The following WDSUB1 variants were observed in gnomAD, a reference collection of about 807,000 sequenced individuals.
WDSUB1 encodes WD repeat, sterile alpha motif and U-box domain containing 1.
WDSUB1 carries 49 observed loss-of-function variants against 53.9 expected under a neutral mutation model. The ratio of observed to expected loss-of-function variants is 0.91; its 90% CI spans 0.72 to 1.15. WDSUB1 has a LOEUF of 1.15. Among genes scored for constraint, WDSUB1 ranks in the 50% most tolerant of loss-of-function variants. WDSUB1 has a pLI of 0.00. For synonymous variants in WDSUB1, 194 were observed against 200.6 expected, an observed-to-expected ratio of 0.97 and a Z score of 0.28; for missense variants, 514 against 562.0, an observed-to-expected ratio of 0.91 and a Z score of 0.86.
intron 10 of WDSUB1, among the ~76,000 whole-genome samples, chr2:159,237,460 G>A (rs1333045931): frequency 1.3e-5 from 2 of 151,946 alleles, no homozygotes; most frequent in African/African-American, 4.8e-5. Flanking sequence ...GACAGAGGTT[G>A]CAGTGAGCTG....
intron 6 of WDSUB1, 102 bp from the exon 7 acceptor site, chr2:159,258,087 T>C: frequency 1.0e-6 from 1 of 959,448 alleles, no homozygotes; most frequent in Non-Finnish European, 1.6e-6. Context: ...GTGGATATAT[T>C]AATATTTATT....
chr2:159,253,590 T>C (rs994664569), intron 9 of WDSUB1, among the ~76,000 whole-genome samples: 2 of 152,248 alleles, frequency 1.3e-5, no homozygotes, highest in Non-Finnish European at 2.9e-5. Flanking sequence ...GTACAATTAA[T>C]CAACTTCCTC....
chr2:159,280,690 C>CAAAAAAAAAAAAAAAAATAAAAAA (rs2061643742), intron 2 of WDSUB1, among the ~76,000 whole-genome samples: 1 of 59,618 alleles, frequency 1.7e-5, no homozygotes, highest in African/African-American at 1.0e-4. Context: ...GACTCCGTCT[C>CAAAAAAAAAAAAAAAAATAAAAAA]AAAAAAAAAA....
chr2:159,279,873 G>C lies in WDSUB1; in HGVS notation c.471C>G (p.Gly157=). The C allele has an allele frequency of 6.2e-7, 1 of 1,612,512 alleles. No individual in the cohort carries two copies. Among genetic ancestry groups the C allele is most frequent in the Non-Finnish European group, 8.5e-7 (1 of 1,178,864 alleles). The change falls in exon 3 of 11, where the codon GGC becomes GGG. Residue 157 remains glycine, a synonymous_variant. Transcript: ENST00000359774. The part of the protein sequence containing the change: ...FSPNGSFFVT[G]SSCGDLTVWD... ...ACACTGTTAAATCACCACATGAGGA[G>C]CCAGTGACAAAGAAGCTTCCATTAG...
At position 159,236,154 on chromosome 2, in the gene WDSUB1, C is replaced by T. The variant is rs2060473948; in HGVS notation, c.1310G>A (p.Trp437Ter). 1.9e-6 allele frequency: 3 copies of T among 1,611,450 alleles called. No individual in the cohort carries two copies. Among genetic ancestry groups the T allele is most frequent in the South Asian group, 1.1e-5 (1 of 90,292 alleles). ...YSYEKEAMEN[W>*]ISKKKRTSPM... ...ACTTGTACGTTTCTTTTTGCTGATC[C>T]AATTTTCCATTGCTTCCTTTTCATA... The change falls in exon 11 of 11, where the codon TGG becomes TAG. Residue 437 changes from tryptophan (W) to a stop codon, truncating the protein, a stop_gained. Transcript: ENST00000359774. LOFTEE classifies it high-confidence loss of function.
chr2:159,277,206 A>G (rs574662797), intron 3 of WDSUB1, among the ~76,000 whole-genome samples: 15 of 152,224 alleles, frequency 9.9e-5, no homozygotes, highest in South Asian at 2.1e-4. Flanking sequence ...TGGGACTTCC[A>G]TATTTCAATA....
At chr2:159,275,914 C>T (rs1469025472) in intron 3 of WDSUB1, among the ~76,000 whole-genome samples, 1 of 152,184 alleles carries the variant, frequency 6.6e-6, no homozygotes. Context: ...CAATATTGAG[C>T]CACTCAATAG....
At position 159,275,566 on chromosome 2, in the gene WDSUB1, ACAAT is replaced by A. The variant is rs2061521856; in HGVS notation, c.652_655del (p.Ile218PhefsTer7). On this transcript the variant is annotated frameshift_variant, in exon 4 of 11. Coordinates refer to ENST00000359774, the MANE Select transcript of WDSUB1 (RefSeq NM_001128212.3). LOFTEE classifies it high-confidence loss of function. ...CATACCTAAGATATGGGTAAAAGAA[ACAAT>A]CCAAATTTTGACTTGGCAATCCTGA... 1 of 1,604,870 alleles carries A rather than the reference ACAAT, an allele frequency of 6.2e-7. No homozygotes were observed. Among genetic ancestry groups the A allele is most frequent in the East Asian group, 2.3e-5 (1 of 44,414 alleles).
rs933032976 is a variant in WDSUB1, at chr2:159,241,937, C to T, written c.1274-5747G>A. 9.5e-5 allele frequency among the ~76,000 whole-genome samples: 14 copies of T among 147,202 alleles called. 2 individuals are homozygous for T. Among genetic ancestry groups the T allele is most frequent in the African/African-American group, 3.5e-4 (13 of 37,596 alleles). On this transcript the variant is annotated intron_variant, in intron 10 of 10. Transcript: ENST00000359774. ...AGTAAGAGTTAATTTCGGTAACATC[C>T]ATACCAGGAAATGCTATCCTGCAGA...
At chr2:159,266,828 T>C (rs2061356793) in intron 5 of WDSUB1, among the ~76,000 whole-genome samples, 1 of 152,116 alleles carries the variant, frequency 6.6e-6, no homozygotes, top group Non-Finnish European at 1.5e-5. Flanking sequence ...GGCTGGAGTT[T>C]AGTGGCACGA....
chr2:159,248,622 A>G (rs2060876654), intron 9 of WDSUB1, 110 bp from the exon 10 acceptor site: 1 of 1,249,254 alleles, frequency 8.0e-7, no homozygotes, highest in African/African-American at 1.6e-5. Context: ...GTTGATTTTG[A>G]GACAGGGGCT....
chr2:159,277,120 C>T lies in WDSUB1; in HGVS notation c.584-1482G>A, dbSNP rs142606494. Among the ~76,000 whole-genome samples, 1,235 of 152,308 alleles carry T rather than the reference C, an allele frequency of 8.1e-3. 10 individuals are homozygous for T. The highest frequency in any genetic ancestry group is 0.023 in the African/African-American group (955 of 41,570). ...ATGTAAATTTTTTCTATGGACTCTG[C>T]CTCTTTGAAAGTACAAACACTTTAC... On this transcript the variant is annotated intron_variant, in intron 3 of 10. Transcript: ENST00000359774.
chr2:159,275,424 T>C, intron 4 of WDSUB1, 122 bp downstream of exon 4: 1 of 750,436 alleles, frequency 1.3e-6, no homozygotes, highest in Non-Finnish European at 2.1e-6. Flanking sequence ...TGACTAAAAG[T>C]TTCTTAAACC....
At chr2:159,270,749 C>T (rs906270447) in intron 5 of WDSUB1, among the ~76,000 whole-genome samples, 1 of 152,136 alleles carries the variant, frequency 6.6e-6, no homozygotes, top group Non-Finnish European at 1.5e-5. Flanking sequence ...CATAAAGAAG[C>T]TGACTACACT....
At chr2:159,246,178 A>T (rs1195978739) in intron 10 of WDSUB1, among the ~76,000 whole-genome samples, 1 of 152,218 alleles carries the variant, frequency 6.6e-6, no homozygotes, top group African/African-American at 2.4e-5. Context: ...CACGCCTGTA[A>T]TCCCAGCACT....
intron 10 of WDSUB1, among the ~76,000 whole-genome samples, chr2:159,248,136 A>G (rs2060860428): frequency 6.6e-6 from 1 of 151,694 alleles, no homozygotes; most frequent in African/African-American, 2.4e-5. Flanking sequence ...CCTAGCAACT[A>G]AATACACATT....
Position 159,271,752 on chromosome 2 carries a change from A to G in WDSUB1, c.720T>C (p.Ala240=). Residue 240 remains alanine, a synonymous_variant, in exon 5 of 11, where the codon GCT becomes GCC. Coordinates refer to ENST00000359774, the MANE Select transcript of WDSUB1 (RefSeq NM_001128212.3). ...KYKSTLSGHC[A]PVLACAFSHD... ...GGGAAAAAGCACAAGCCAGAACAGG[A>G]GCACAGTGCCCACTCAGTGTACTTT... 1 of 1,614,214 alleles carries G rather than the reference A, an allele frequency of 6.2e-7. No individual in the cohort carries two copies. The highest frequency in any genetic ancestry group is 2.2e-5 in the East Asian group (1 of 44,894).
intron 4 of WDSUB1, 123 bp from the exon 5 acceptor site, chr2:159,271,918 T>A: frequency 1.3e-6 from 1 of 747,406 alleles, no homozygotes; most frequent in Non-Finnish European, 2.2e-6. Flanking sequence ...ACACAAAAAT[T>A]AAAAATCCTC....
intron 5 of WDSUB1, among the ~76,000 whole-genome samples, chr2:159,266,189 G>A (rs989956983): frequency 8.6e-5 from 13 of 151,972 alleles, no homozygotes; most frequent in African/African-American, 3.1e-4. Context: ...GAGTGTCAAG[G>A]AACCTTACTT....
Sources: allele counts gnomAD v4.1 joint callset (sites outside exome capture counted in the v4.1 genomes callset), GRCh38; gene constraint gnomAD v4.1.1; transcripts MANE v1.5; gene names NCBI Gene and HGNC (gene_info 2026-07-23, HGNC 2026-07-21).